PCLO: variants seen among roughly 807,000 people sequenced by gnomAD.
PCLO encodes the protein protein piccolo.
In PCLO, 82 loss-of-function variants were observed where a neutral mutation model predicts 427.5. That is an observed-to-expected ratio of 0.19 (90% CI 0.16 to 0.23). The LOEUF (loss-of-function observed/expected upper bound fraction) is 0.23. Among genes scored for constraint, PCLO ranks in the 10% least tolerant of loss-of-function variants. The probability of loss-of-function intolerance (pLI) is 1.00; values close to 1 mark genes in which losing one functional copy is unlikely to be tolerated. For missense variants in PCLO, 6,239 were observed against 6,115.9 expected, an observed-to-expected ratio of 1.02 and a Z score of -0.67; for synonymous variants, 2,357 against 2,155.4, an observed-to-expected ratio of 1.09 and a Z score of -2.59.
chr7:83,152,216 G>A (rs113785560), intron 2 of PCLO, among the ~76,000 whole-genome samples: 35,424 of 151,324 alleles, frequency 0.23, 4,771 homozygotes, highest in Middle Eastern at 0.31. Context: ...TGCCCGCCTC[G>A]GCCTCCCAAA....
rs575357268 is a variant in PCLO, at chr7:83,009,178, C to A, written c.3301-42691G>T. Among the ~76,000 whole-genome samples the A allele has an allele frequency of 2.1e-4, 32 of 151,858 alleles. 1 individual carries two copies. In the South Asian group the frequency reaches 6.4e-3, roughly 31 times the overall value. ...CTTGTCTCCATGCTTAGCTCCCTGA[C>A]TAGCAAGCAATGGATTAACCACAGA... On this transcript the variant is annotated intron_variant, in intron 3 of 24. Coordinates refer to ENST00000333891, the MANE Select transcript of PCLO (RefSeq NM_033026.6).
chr7:83,065,164 G>A (rs1417523944), intron 3 of PCLO, among the ~76,000 whole-genome samples: 1 of 151,822 alleles, frequency 6.6e-6, no homozygotes, highest in Non-Finnish European at 1.5e-5. Context: ...ACTTGTTGAT[G>A]GCTCTCTCCT....
intron 3 of PCLO, among the ~76,000 whole-genome samples, chr7:83,077,419 C>T (rs1429933152): frequency 6.6e-6 from 1 of 152,052 alleles, no homozygotes; most frequent in East Asian, 1.9e-4. Flanking sequence ...TGGTCTCGTC[C>T]TGACTGCTTT....
chr7:82,943,914 C>CT (rs1046848642), intron 6 of PCLO, among the ~76,000 whole-genome samples: 16 of 151,736 alleles, frequency 1.1e-4, no homozygotes, highest in African/African-American at 3.9e-4. Context: ...TGCCAGCACT[C>CT]TGGGAGGCCG....
intron 10 of PCLO, among the ~76,000 whole-genome samples, chr7:82,856,559 T>C (rs1792811357): frequency 6.6e-6 from 1 of 152,098 alleles, no homozygotes; most frequent in Middle Eastern, 3.2e-3. Flanking sequence ...ATAAGGGATA[T>C]GAGTATATTA....
chr7:82,868,894 TAAC>T (rs1793161963), intron 10 of PCLO, among the ~76,000 whole-genome samples: 2 of 152,220 alleles, frequency 1.3e-5, no homozygotes, highest in Non-Finnish European at 2.9e-5. Context: ...TTTATTAAAT[TAAC>T]AAAGTTGAAC....
At chr7:82,951,819 T>C (rs767733274) in intron 5 of PCLO, 37 bp downstream of exon 5, 2 of 1,572,636 alleles carry the variant, frequency 1.3e-6, no homozygotes, top group Non-Finnish European at 1.7e-6. Flanking sequence ...ACCATAATGA[T>C]ATTTCAAGGA....
chr7:82,818,061 G>A (rs771257417), intron 20 of PCLO, among the ~76,000 whole-genome samples: 2 of 150,760 alleles, frequency 1.3e-5, no homozygotes, highest in Admixed American at 6.7e-5. Context: ...GGCAAGGTTT[G>A]TGTTCAACCA....
At chr7:82,768,315 C>A (rs995828812) in intron 22 of PCLO, among the ~76,000 whole-genome samples, 1 of 151,432 alleles carries the variant, frequency 6.6e-6, no homozygotes, top group South Asian at 2.1e-4. Flanking sequence ...CCCAGCTCCT[C>A]GGGAGACTGA....
At chr7:82,962,658 ATTTG>A (rs1428115253) in intron 4 of PCLO, among the ~76,000 whole-genome samples, 3 of 151,982 alleles carry the variant, frequency 2.0e-5, no homozygotes, top group African/African-American at 4.8e-5. Context: ...ATGTAGAGTG[ATTTG>A]TTTAATTCAA....
chr7:83,109,466 A>T (rs539679481), intron 3 of PCLO, among the ~76,000 whole-genome samples: 2 of 152,264 alleles, frequency 1.3e-5, no homozygotes, highest in South Asian at 4.1e-4. Flanking sequence ...TTATCCTGTC[A>T]ATCTATGAAT....
At chr7:83,136,453 T>C (rs1791732989) in intron 2 of PCLO, among the ~76,000 whole-genome samples, 1 of 152,130 alleles carries the variant, frequency 6.6e-6, no homozygotes, top group Non-Finnish European at 1.5e-5. Context: ...CAGCCCAGAG[T>C]AGGATTGCTA....
intron 1 of PCLO, among the ~76,000 whole-genome samples, chr7:83,158,538 T>C (rs1047347529): frequency 1.3e-5 from 2 of 151,858 alleles, no homozygotes; most frequent in Admixed American, 6.6e-5. Context: ...AAAATCTACC[T>C]TAATTATACT....
chr7:83,106,673 C>T (rs1228712213), intron 3 of PCLO, among the ~76,000 whole-genome samples: 2 of 151,856 alleles, frequency 1.3e-5, no homozygotes, highest in Non-Finnish European at 1.5e-5. Context: ...ATAAAATATC[C>T]ACATAGAAAA....
At position 82,956,488 on chromosome 7, in the gene PCLO, A is replaced by C; in HGVS notation, c.4465T>G (p.Ser1489Ala). Reference sequence around the variant, plus strand: ...GACTTCTCTTTATGGTCCTTGCTGGAAGGAATATCTTGTTGGCTATCTTTT... The same window carrying C: ...GACTTCTCTTTATGGTCCTTGCTGGCAGGAATATCTTGTTGGCTATCTTTT... ...FKKDSQQDIP[S>A]SKDHKEKSEF... Residue 1489 changes from serine to alanine, a missense_variant, in exon 5 of 25, where the codon TCC becomes GCC. Ser to Ala is a moderately conservative substitution (Grantham distance 99). Around this residue, in one of 5 missense-constraint regions of PCLO, gnomAD observed 4,677 missense variants for 4,468.4 expected, o/e 1.05. Transcript: ENST00000333891. The C allele has an allele frequency of 6.2e-7, 1 of 1,613,780 alleles. No individual in the cohort carries two copies. Among genetic ancestry groups the C allele is most frequent in the Non-Finnish European group, 8.5e-7 (1 of 1,179,854 alleles).
chr7:83,043,315 T>C (rs1477491076), intron 3 of PCLO, among the ~76,000 whole-genome samples: 2 of 152,204 alleles, frequency 1.3e-5, no homozygotes, highest in African/African-American at 4.8e-5. Context: ...CTCTATTTCC[T>C]TTGACCTTTC....
intron 2 of PCLO, among the ~76,000 whole-genome samples, chr7:83,143,557 C>G (rs192568861): frequency 6.7e-6 from 1 of 149,010 alleles, no homozygotes; most frequent in Admixed American, 6.7e-5. Context: ...ATAATGCTAA[C>G]TGAATGCTAG....
Position 82,826,676 on chromosome 7 carries a change from A to T in PCLO, c.14344-16T>A, listed in dbSNP as rs1791953137. The T allele has an allele frequency of 6.6e-7, 1 of 1,507,700 alleles. No homozygotes were observed. The highest frequency in any genetic ancestry group is 9.1e-7 in the Non-Finnish European group (1 of 1,096,676). 93.4% of individuals were successfully genotyped at this position (1,507,700 alleles called of 1,614,324 possible). On this transcript the variant is annotated splice_polypyrimidine_tract_variant and intron_variant, in intron 17 of 24. Coordinates refer to ENST00000333891, the MANE Select transcript of PCLO (RefSeq NM_033026.6). ...TCTTCTTGAGCTATATAGTTCAAATAGAAATCTAATTAAACCTATCTTTCC... is the reference window on the plus strand; with the variant it reads ...TCTTCTTGAGCTATATAGTTCAAATTGAAATCTAATTAAACCTATCTTTCC...
At chr7:82,939,602 T>C (rs907692956) in intron 6 of PCLO, among the ~76,000 whole-genome samples, 4 of 150,884 alleles carry the variant, frequency 2.7e-5, no homozygotes, top group Admixed American at 1.3e-4. Flanking sequence ...AAAAAATATA[T>C]TTCTTTTTCC....
Sources: allele counts gnomAD v4.1 joint callset (sites outside exome capture counted in the v4.1 genomes callset), GRCh38; gene constraint gnomAD v4.1.1; regional missense constraint gnomAD v4.1.1; transcripts MANE v1.5; gene names NCBI Gene and HGNC (gene_info 2026-07-23, HGNC 2026-07-21).